Variants in STAM2 observed in about 807,000 individuals in gnomAD.
STAM2 encodes signal transducing adaptor molecule 2.
In STAM2, 51 loss-of-function variants were observed where a neutral mutation model predicts 65.6. The ratio of observed to expected loss-of-function variants is 0.78; its 90% CI spans 0.62 to 0.98. The LOEUF (loss-of-function observed/expected upper bound fraction) is 0.98, where lower values mean the gene tolerates loss of function less well. Among genes scored for constraint, STAM2 ranks in the 50% least tolerant of loss-of-function variants. The pLI is 0.00. For synonymous variants in STAM2, 198 were observed against 208.4 expected (o/e 0.95, Z 0.43); for missense variants, 584 against 617.8 (o/e 0.95, Z 0.58).
At chr2:152,127,744 C>A (rs1170961642) in intron 11 of STAM2, among the ~76,000 whole-genome samples, 1 of 152,068 alleles carries the variant, frequency 6.6e-6, no homozygotes, top group African/African-American at 2.4e-5. Context: ...ACAACAAACC[C>A]AAATAAAAGC....
chr2:152,138,415 T>C (rs1223568179), intron 7 of STAM2, among the ~76,000 whole-genome samples: 2 of 152,176 alleles, frequency 1.3e-5, no homozygotes, highest in Non-Finnish European at 2.9e-5. Flanking sequence ...TAAAGCATAC[T>C]ACTGAGTTTT....
chr2:152,122,126 T>G (rs1688867441), intron 13 of STAM2, among the ~76,000 whole-genome samples: 1 of 151,328 alleles, frequency 6.6e-6, no homozygotes, highest in African/African-American at 2.4e-5. Context: ...ATATACATAC[T>G]ATGCCCAGCG....
At chr2:152,120,888 T>C in intron 13 of STAM2, 86 bp from the exon 14 acceptor site, 2 of 1,007,666 alleles carry the variant, frequency 2.0e-6, no homozygotes, top group Non-Finnish European at 1.5e-6. Context: ...AAATGCCTTT[T>C]CCATCTTCTT....
At chr2:152,173,568 T>C (rs892873186) in intron 1 of STAM2, among the ~76,000 whole-genome samples, 45 of 151,804 alleles carry the variant, frequency 3.0e-4, no homozygotes, top group African/African-American at 1.1e-3. Flanking sequence ...GGCTAATTTT[T>C]TGTATTTTGG....
intron 1 of STAM2, among the ~76,000 whole-genome samples, chr2:152,163,608 G>C (rs1395744236): frequency 6.6e-6 from 1 of 152,160 alleles, no homozygotes; most frequent in Non-Finnish European, 1.5e-5. Flanking sequence ...ACTGCCTGCG[G>C]GGTAGGGCAA....
intron 1 of STAM2, among the ~76,000 whole-genome samples, chr2:152,160,385 C>T (rs575972811): frequency 1.3e-5 from 2 of 151,906 alleles, no homozygotes; most frequent in South Asian, 2.1e-4. Flanking sequence ...CCTGCCACCC[C>T]GTCTGGGATG....
rs1458435594 is a variant in STAM2, at chr2:152,169,456, T to C, written c.40+6147A>G. ...CATGCTCAGCTAATTTTTGTATTTT[T>C]TGTAGAGATGGGGTTTCATCATGTT... is the stretch of plus-strand genomic sequence containing the variant. On this transcript the variant is annotated intron_variant, in intron 1 of 13. Coordinates refer to ENST00000263904, the MANE Select transcript of STAM2 (RefSeq NM_005843.6). 2.6e-5 allele frequency among the ~76,000 whole-genome samples: 4 copies of C among 152,046 alleles called. No homozygotes were observed. The East Asian group carries it at 7.7e-4, about 29-fold the overall frequency.
intron 12 of STAM2, 117 bp downstream of exon 12, chr2:152,126,109 A>G (rs1688960064): frequency 8.9e-6 from 8 of 894,350 alleles, no homozygotes; most frequent in Non-Finnish European, 1.2e-5. Flanking sequence ...AATCAAAGAT[A>G]AATTTTATAA....
At chr2:152,130,153 C>T (rs1386774158) in intron 11 of STAM2, among the ~76,000 whole-genome samples, 1 of 152,212 alleles carries the variant, frequency 6.6e-6, no homozygotes. Context: ...CTCCCTATGA[C>T]TTCAGATAGA....
chr2:152,160,098 G>A (rs1293144714), intron 1 of STAM2, among the ~76,000 whole-genome samples: 4 of 152,300 alleles, frequency 2.6e-5, no homozygotes, highest in East Asian at 1.9e-4. Context: ...CCTCCCAGCC[G>A]CCTGCCTTGG....
intron 11 of STAM2, 63 bp downstream of exon 11, chr2:152,132,051 T>C: frequency 8.1e-7 from 1 of 1,241,976 alleles, no homozygotes. Context: ...TACTTTACTG[T>C]TTGCCAAAAC....
At chr2:152,134,107 A>T (rs1689111518) in intron 8 of STAM2, among the ~76,000 whole-genome samples, 1 of 151,858 alleles carries the variant, frequency 6.6e-6, no homozygotes, top group South Asian at 2.1e-4. Flanking sequence ...TGTTCCCTGG[A>T]GTATTGCTAG....
intron 1 of STAM2, among the ~76,000 whole-genome samples, chr2:152,169,567 T>C (rs1293286339): frequency 6.6e-6 from 1 of 152,156 alleles, no homozygotes; most frequent in East Asian, 1.9e-4. Flanking sequence ...CTGCCATCAA[T>C]TTTTAAAAAG....
At chr2:152,175,551 C>T in intron 1 of STAM2, 52 bp downstream of exon 1, 2 of 1,610,994 alleles carry the variant, frequency 1.2e-6, no homozygotes, top group Non-Finnish European at 1.7e-6. Context: ...GCCGGACAAA[C>T]AGCAGTCCAG....
rs1162441884 is a variant in STAM2, at chr2:152,118,460, A to ATATATGTG, written c.*2113_*2114insCACATATA. The ATATATGTG allele has an allele frequency of 2.0e-5, 3 of 149,134 alleles. No individual in the cohort carries two copies. Among genetic ancestry groups the ATATATGTG allele is most frequent in the African/African-American group, 7.4e-5 (3 of 40,676 alleles). The allele number at this position is 149,134 out of a possible 1,614,324, so 9.2% of individuals were successfully genotyped here. ...ATACTATATATTTATATATATATATATGTGTCATGTTTTATTATTCTAAAA... is the reference window on the plus strand; with the variant it reads ...ATACTATATATTTATATATATATATATATATGTGTGTGTCATGTTTTATTATTCTAAAA... On this transcript the variant is annotated 3_prime_UTR_variant, in exon 14 of 14. Transcript: ENST00000263904.
At chr2:152,160,217 G>A (rs1056471475) in intron 1 of STAM2, among the ~76,000 whole-genome samples, 3 of 151,018 alleles carry the variant, frequency 2.0e-5, no homozygotes, top group African/African-American at 4.9e-5. Flanking sequence ...GAGCCCCTCC[G>A]CCTGGCTGCC....
chr2:152,175,725 T>TC lies in STAM2; in HGVS notation c.-84dup, dbSNP rs1690009071. The TC allele has an allele frequency of 8.4e-5, 123 of 1,457,884 alleles. 1 individual carries two copies. The South Asian group carries it at 1.4e-3, about 17-fold the overall frequency. 90.3% of individuals were successfully genotyped at this position (1,457,884 alleles called of 1,614,324 possible). ...CCGCCGGGTGACCCGCGGCCGCGGC[T>TC]CCCTAGACCGCTCCGCTTCGGCCTC... On this transcript the variant is annotated 5_prime_UTR_variant, in exon 1 of 14. Coordinates refer to ENST00000263904, the MANE Select transcript of STAM2 (RefSeq NM_005843.6).
intron 13 of STAM2, among the ~76,000 whole-genome samples, chr2:152,121,408 T>C (rs1301878138): frequency 6.6e-6 from 1 of 152,218 alleles, no homozygotes; most frequent in African/African-American, 2.4e-5. Flanking sequence ...CCTGAGGAGA[T>C]GCAAACTGTT....
intron 8 of STAM2, among the ~76,000 whole-genome samples, chr2:152,135,178 C>T (rs1689131484): frequency 6.6e-6 from 1 of 152,208 alleles, no homozygotes; most frequent in African/African-American, 2.4e-5. Context: ...AATCAAAACA[C>T]TCTTTGTACA....
Sources: gnomAD v4.1 joint callset for allele counts (sites outside exome capture counted in the v4.1 genomes callset) on GRCh38, gnomAD v4.1.1 for gene constraint, MANE v1.5 for transcripts, NCBI Gene and HGNC (gene_info 2026-07-23, HGNC 2026-07-21) for gene names.